Variants in SOX5 observed in about 807,000 individuals in gnomAD.
SOX5 encodes transcription factor SOX-5.
Under a neutral mutation model 92.0 loss-of-function variants are expected in SOX5, and 9 were observed. The observed-to-expected ratio is 0.10, with a 90% confidence interval of 0.06 to 0.17. The LOEUF is 0.17. Among genes scored for constraint, SOX5 ranks in the 10% least tolerant of loss-of-function variants. The pLI, the probability that SOX5 is intolerant of heterozygous loss-of-function variation, is 1.00. For synonymous variants in SOX5, 344 were observed against 336.3 expected (o/e 1.02, Z -0.25); for missense variants, 642 against 944.5 (o/e 0.68, Z 4.20).
chr12:23,762,599 T>C, intron 3 of SOX5: 1 of 508,660 alleles, frequency 2.0e-6, no homozygotes, highest in Non-Finnish European at 3.4e-6. Context: ...AATGAGAGCC[T>C]GTTAATACAA....
intron 2 of SOX5, among the ~76,000 whole-genome samples, chr12:24,323,989 A>G (rs1349828930): frequency 6.6e-6 from 1 of 152,194 alleles, no homozygotes; most frequent in Non-Finnish European, 1.5e-5. Context: ...TTATGTATAA[A>G]CAATGTCTGC....
rs1363819707 is a variant in SOX5 at position 24,236,919 on chromosome 12, A to AG, written c.-76-23503_-76-23502insC. ...TCAGTATCCACAACTCAAAAAAAAA[A>AG]AAATGTAGATCTGGATTACTCAGTG... is the stretch of plus-strand genomic sequence containing the variant. On this transcript the variant is annotated intron_variant, in intron 3 of 4. Transcript: ENST00000446891. Among the ~76,000 whole-genome samples, 3 of 152,294 alleles carry AG rather than the reference A, an allele frequency of 2.0e-5. No homozygotes were observed. In the East Asian group the frequency reaches 5.8e-4, roughly 29 times the overall value.
intron 4 of SOX5, among the ~76,000 whole-genome samples, chr12:24,115,442 T>A (rs1947886194): frequency 1.3e-5 from 2 of 152,184 alleles, no homozygotes; most frequent in South Asian, 4.1e-4. Context: ...TCTTGGTAAG[T>A]TACATGAAGA....
intron 3 of SOX5, among the ~76,000 whole-genome samples, chr12:23,757,322 T>G (rs2094422752): frequency 6.6e-6 from 1 of 151,982 alleles, no homozygotes; most frequent in African/African-American, 2.4e-5. Context: ...AAATTTACTT[T>G]TAAGTTTTCT....
chr12:23,747,175 A>G (rs984836961), intron 4 of SOX5, among the ~76,000 whole-genome samples: 1 of 152,052 alleles, frequency 6.6e-6, no homozygotes, highest in East Asian at 1.9e-4. Flanking sequence ...CATCTTCCCT[A>G]TATAATTCAT....
chr12:24,226,927 G>A (rs1962172567), intron 3 of SOX5, among the ~76,000 whole-genome samples: 1 of 152,172 alleles, frequency 6.6e-6, no homozygotes, highest in African/African-American at 2.4e-5. Context: ...AAGAGCTTGG[G>A]GATAGTTCTC....
chr12:24,440,036 T>A (rs1940218262), intron 1 of SOX5, among the ~76,000 whole-genome samples: 1 of 152,246 alleles, frequency 6.6e-6, no homozygotes, highest in South Asian at 2.1e-4. Flanking sequence ...GGTGGCAATT[T>A]AAAATTCTAG....
chr12:23,624,244 C>T (rs374375762), intron 8 of SOX5, among the ~76,000 whole-genome samples: 25 of 152,088 alleles, frequency 1.6e-4, no homozygotes, highest in African/African-American at 4.8e-4. Flanking sequence ...GATGATGAAA[C>T]GTTCTGGAGA....
At chr12:23,692,207 C>T (rs887322158) in intron 6 of SOX5, among the ~76,000 whole-genome samples, 1 of 151,710 alleles carries the variant, frequency 6.6e-6, no homozygotes, top group South Asian at 2.1e-4. Flanking sequence ...CCGAGACAGG[C>T]GGATCACCTG....
intron 3 of SOX5, among the ~76,000 whole-genome samples, chr12:23,824,848 C>T (rs1333156071): frequency 6.6e-6 from 1 of 152,218 alleles, no homozygotes; most frequent in Admixed American, 6.5e-5. Context: ...GTGGTGGGCT[C>T]TGCCCAGTCT....
At chr12:24,425,078 C>T (rs1252757204) in intron 1 of SOX5, among the ~76,000 whole-genome samples, 1 of 152,118 alleles carries the variant, frequency 6.6e-6, no homozygotes, top group Non-Finnish European at 1.5e-5. Context: ...CATGCTATTA[C>T]TTCAAAATGA....
chr12:24,148,990 T>C (rs568800374), intron 4 of SOX5, among the ~76,000 whole-genome samples: 1 of 152,298 alleles, frequency 6.6e-6, no homozygotes, highest in South Asian at 2.1e-4. Context: ...TAAAGTATAG[T>C]GTTTTTAATA....
intron 6 of SOX5, among the ~76,000 whole-genome samples, chr12:23,681,900 T>C (rs1369484015): frequency 6.6e-6 from 1 of 151,742 alleles, no homozygotes; most frequent in Non-Finnish European, 1.5e-5. Context: ...ATAATTTTTG[T>C]TATATCCATC....
chr12:23,578,505 C>CA (rs1949587854), intron 9 of SOX5, among the ~76,000 whole-genome samples: 1 of 151,694 alleles, frequency 6.6e-6, no homozygotes, highest in African/African-American at 2.4e-5. Flanking sequence ...ATTAGACTTC[C>CA]AAAAGCCTTT....
intron 4 of SOX5, among the ~76,000 whole-genome samples, chr12:24,129,678 G>C: frequency 6.6e-6 from 1 of 152,300 alleles, no homozygotes; most frequent in East Asian, 1.9e-4. Flanking sequence ...GAGTCAACCA[G>C]AAGAATACAA....
chr12:23,543,532 T>G, intron 12 of SOX5, 148 bp from the exon 13 acceptor site: 1 of 545,190 alleles, frequency 1.8e-6, no homozygotes, highest in Admixed American at 3.2e-5. Context: ...AGATGCTTGT[T>G]TATGAAGTTT....
intron 8 of SOX5, among the ~76,000 whole-genome samples, chr12:23,604,974 A>C (rs1483917801): frequency 6.6e-6 from 1 of 152,134 alleles, no homozygotes; most frequent in East Asian, 1.9e-4. Context: ...TGGGCACCCG[A>C]AACAATTTTT....
intron 4 of SOX5, among the ~76,000 whole-genome samples, chr12:24,097,169 C>T (rs573736685): frequency 6.6e-6 from 1 of 152,170 alleles, no homozygotes; most frequent in South Asian, 2.1e-4. Context: ...TACGTGGTGG[C>T]TATTTACGTA....
intron 1 of SOX5, among the ~76,000 whole-genome samples, chr12:24,470,935 T>C (rs1316072628): frequency 2.0e-5 from 3 of 152,254 alleles, no homozygotes; most frequent in Non-Finnish European, 4.4e-5. Flanking sequence ...AAATATTTAA[T>C]AAATGGTAGC....
Sources: gnomAD v4.1 joint callset for allele counts (sites outside exome capture counted in the v4.1 genomes callset) on GRCh38, gnomAD v4.1.1 for gene constraint, MANE v1.5 for transcripts, NCBI Gene and HGNC (gene_info 2026-07-23, HGNC 2026-07-21) for gene names.